UNC5C: variants seen among roughly 807,000 people sequenced by gnomAD.
UNC5C encodes unc-5 netrin receptor C, also known as netrin receptor UNC5C.
In UNC5C, 47 loss-of-function variants were observed where a neutral mutation model predicts 99.8. That is an observed-to-expected ratio of 0.47 (90% CI 0.37 to 0.60). The LOEUF (loss-of-function observed/expected upper bound fraction) is 0.60. Among genes scored for constraint, UNC5C ranks in the 20% least tolerant of loss-of-function variants. UNC5C has a pLI of 0.00. For synonymous variants in UNC5C, 487 were observed against 452.2 expected, an observed-to-expected ratio of 1.08 and a Z score of -0.98; for missense variants, 1,062 against 1,165.9, an observed-to-expected ratio of 0.91 and a Z score of 1.30.
At chr4:95,235,286 AT>A (rs1252638409) in intron 7 of UNC5C, among the ~76,000 whole-genome samples, 2 of 152,228 alleles carry the variant, frequency 1.3e-5, no homozygotes, top group Non-Finnish European at 2.9e-5. Flanking sequence ...ACATAATGGA[AT>A]ACTAAGCATA....
intron 7 of UNC5C, among the ~76,000 whole-genome samples, chr4:95,228,952 T>C (rs1039394286): frequency 3.9e-5 from 6 of 152,290 alleles, no homozygotes; most frequent in African/African-American, 4.8e-5. Context: ...CTAATGTGAC[T>C]GGGGAGCCTT....
At chr4:95,310,811 G>C (rs566784927) in intron 2 of UNC5C, among the ~76,000 whole-genome samples, 1 of 152,052 alleles carries the variant, frequency 6.6e-6, no homozygotes. Flanking sequence ...GGGTTGGGGG[G>C]GGATTTCTAG....
chr4:95,187,300 A>T (rs1736869114), intron 12 of UNC5C, among the ~76,000 whole-genome samples: 1 of 152,174 alleles, frequency 6.6e-6, no homozygotes, highest in Non-Finnish European at 1.5e-5. Flanking sequence ...TGCCCTAATT[A>T]CCTCATCAAG....
intron 1 of UNC5C, among the ~76,000 whole-genome samples, chr4:95,535,174 T>C (rs2149493998): frequency 6.6e-6 from 1 of 152,270 alleles, no homozygotes; most frequent in East Asian, 1.9e-4. Context: ...TTCATAAAAC[T>C]GGAACAAAAG....
At chr4:95,545,772 G>GCGCACACACACACACA (rs6148582) in intron 1 of UNC5C, among the ~76,000 whole-genome samples, 187 of 148,390 alleles carry the variant, frequency 1.3e-3, no homozygotes, top group African/African-American at 3.6e-3. Context: ...GCGCGCGCGC[G>GCGCACACACACACACA]CACACACACA....
Position 95,520,661 on chromosome 4 carries a change from C to T in UNC5C, c.124+28073G>A, listed in dbSNP as rs573518269. Among the ~76,000 whole-genome samples the T allele has an allele frequency of 1.7e-4, 25 of 150,176 alleles. 1 individual carries two copies. In the South Asian group the frequency reaches 4.2e-3, roughly 25 times the overall value. On this transcript the variant is annotated intron_variant, in intron 1 of 15. Transcript: ENST00000453304. ...TCGCCCAGGCTGGACTGCAGTGGTGCCCTCTCGGCTCACTGCAAGCTCTGC... is the reference window on the plus strand; with the variant it reads ...TCGCCCAGGCTGGACTGCAGTGGTGTCCTCTCGGCTCACTGCAAGCTCTGC...
At chr4:95,374,341 C>T (rs1329800124) in intron 1 of UNC5C, among the ~76,000 whole-genome samples, 1 of 152,098 alleles carries the variant, frequency 6.6e-6, no homozygotes, top group Non-Finnish European at 1.5e-5. Flanking sequence ...TATTATAAAG[C>T]TAAGTTCCAA....
At chr4:95,324,767 G>A (rs549283516) in intron 2 of UNC5C, among the ~76,000 whole-genome samples, 1 of 152,250 alleles carries the variant, frequency 6.6e-6, no homozygotes, top group Admixed American at 6.5e-5. Context: ...CTTCTGCCAT[G>A]TAAGGACACA....
chr4:95,481,519 C>T (rs1349753642), intron 1 of UNC5C, among the ~76,000 whole-genome samples: 2 of 151,884 alleles, frequency 1.3e-5, no homozygotes, highest in Admixed American at 1.3e-4. Flanking sequence ...CTTTAAAGTT[C>T]ATATGGAACC....
intron 1 of UNC5C, among the ~76,000 whole-genome samples, chr4:95,493,370 G>A (rs774948320): frequency 6.6e-6 from 1 of 151,384 alleles, no homozygotes; most frequent in Non-Finnish European, 1.5e-5. Context: ...GGAATTCATG[G>A]TTGGAAAGAT....
Position 95,548,907 on chromosome 4 carries a change from A to T in UNC5C, c.-50T>A, listed in dbSNP as rs200297612. ...AGGGGAGGGGGACAGAGAGACGCGC[A>T]AACAGCTGAAAGCCCCACTGGGCAG... On this transcript the variant is annotated 5_prime_UTR_variant, in exon 1 of 16. Coordinates refer to ENST00000453304, the MANE Select transcript of UNC5C (RefSeq NM_003728.4). 1.1e-3 allele frequency: 1,818 copies of T among 1,606,286 alleles called. 12 individuals carry two copies. The highest frequency in any genetic ancestry group is 0.01 in the South Asian group (937 of 90,428).
intron 3 of UNC5C, among the ~76,000 whole-genome samples, chr4:95,282,015 G>C (rs1242766737): frequency 6.6e-6 from 1 of 152,138 alleles, no homozygotes; most frequent in East Asian, 1.9e-4. Context: ...ACCCCCAGTT[G>C]AGAACCACAG....
At chr4:95,300,108 C>T (rs1044285709) in intron 3 of UNC5C, among the ~76,000 whole-genome samples, 1 of 152,096 alleles carries the variant, frequency 6.6e-6, no homozygotes, top group South Asian at 2.1e-4. Flanking sequence ...TAGTAAAATG[C>T]AAAGATGTAA....
intron 1 of UNC5C, among the ~76,000 whole-genome samples, chr4:95,529,694 T>A (rs1722593404): frequency 6.6e-6 from 1 of 152,012 alleles, no homozygotes; most frequent in Non-Finnish European, 1.5e-5. Flanking sequence ...ACCACTGCAT[T>A]TCGGCCTGAG....
chr4:95,479,914 T>TCTGGCTCTG (rs1433505041), intron 1 of UNC5C, among the ~76,000 whole-genome samples: 5 of 151,922 alleles, frequency 3.3e-5, no homozygotes, highest in South Asian at 2.1e-4. Context: ...TCATCTAATC[T>TCTGGCTCTG]GTTGAAGGAC....
At chr4:95,416,288 A>G (rs903161068) in intron 1 of UNC5C, among the ~76,000 whole-genome samples, 2 of 152,070 alleles carry the variant, frequency 1.3e-5, no homozygotes, top group Non-Finnish European at 2.9e-5. Context: ...TAGAGTGAGG[A>G]AGTGCTTACA....
At chr4:95,239,560 T>C (rs930946678) in intron 7 of UNC5C, among the ~76,000 whole-genome samples, 1 of 152,188 alleles carries the variant, frequency 6.6e-6, no homozygotes, top group Non-Finnish European at 1.5e-5. Context: ...CTCCTGGTTA[T>C]ATTGGTGTCC....
Position 95,540,090 on chromosome 4 carries a change from T to C in UNC5C, c.124+8644A>G, listed in dbSNP as rs1722879430. On this transcript the variant is annotated intron_variant, in intron 1 of 15. Transcript: ENST00000453304. ...AGGAAGTAGCATTTTATAAAACCCC[T>C]GGAGGATACTAGTATAGCACTGATT... Among the ~76,000 whole-genome samples, 6 of 152,188 alleles carry C rather than the reference T, an allele frequency of 3.9e-5. No individual in the cohort carries two copies. The South Asian group carries it at 1.2e-3, about 31-fold the overall frequency.
At position 95,162,801 on chromosome 4, in the gene UNC5C, T is replaced by C. The variant is rs1291325361; in HGVS notation, c.*6433A>G. On this transcript the variant is annotated 3_prime_UTR_variant, in exon 16 of 16. Transcript: ENST00000453304. ...AGGGAACTCCACAACAACAAAAGTG[T>C]TCCATATCGGAAAAGCCAAGGTTGT... 1 of 152,088 alleles carries C rather than the reference T, an allele frequency of 6.6e-6. No homozygotes were observed. The highest frequency in any genetic ancestry group is 1.5e-5 in the Non-Finnish European group (1 of 68,022). 9.4% of individuals were successfully genotyped at this position (152,088 alleles called of 1,614,324 possible).
Sources: gnomAD v4.1 joint callset for allele counts (sites outside exome capture counted in the v4.1 genomes callset) on GRCh38, gnomAD v4.1.1 for gene constraint, MANE v1.5 for transcripts, NCBI Gene and HGNC (gene_info 2026-07-23, HGNC 2026-07-21) for gene names.